Variants in DNAH9 observed in about 807,000 individuals in gnomAD.
DNAH9 encodes DNAH9 variant protein.
A neutral mutation model predicts 471.6 loss-of-function variants in DNAH9; 345 were observed. That is an observed-to-expected ratio of 0.73 (90% CI 0.67 to 0.80). The LOEUF (loss-of-function observed/expected upper bound fraction) is 0.80, where lower values mean the gene tolerates loss of function less well. DNAH9 is among the 30% of genes least tolerant of loss of function. DNAH9 has a pLI of 0.00. For missense variants in DNAH9, 5,407 were observed against 5,609.2 expected, an observed-to-expected ratio of 0.96 and a Z score of 1.15; for synonymous variants, 2,093 against 2,123.6, an observed-to-expected ratio of 0.99 and a Z score of 0.40.
At chr17:11,735,896 T>C (rs1281925336) in intron 28 of DNAH9, among the ~76,000 whole-genome samples, 1 of 152,224 alleles carries the variant, frequency 6.6e-6, no homozygotes, top group Admixed American at 6.5e-5. Flanking sequence ...CAAGAGCCTT[T>C]GGGGGAAGTA....
chr17:11,643,045 T>C (rs1254499544), intron 10 of DNAH9, among the ~76,000 whole-genome samples: 1 of 152,234 alleles, frequency 6.6e-6, no homozygotes, highest in Non-Finnish European at 1.5e-5. Flanking sequence ...AGCTGCCTCA[T>C]TTTGCCAGCA....
intron 54 of DNAH9, among the ~76,000 whole-genome samples, chr17:11,880,872 C>T (rs1972692825): frequency 6.6e-6 from 1 of 152,264 alleles, no homozygotes; most frequent in Non-Finnish European, 1.5e-5. Context: ...GTATAAAGCA[C>T]GTTTGTGGAA....
intron 49 of DNAH9, among the ~76,000 whole-genome samples, chr17:11,851,058 G>T (rs1298838121): frequency 1.3e-5 from 2 of 151,922 alleles, no homozygotes; most frequent in East Asian, 3.9e-4. Context: ...GGTGGGTAGA[G>T]TCTTACAGGG....
chr17:11,617,572 G>A lies in DNAH9; in HGVS notation c.1066G>A (p.Gly356Arg). The A allele has an allele frequency of 1.9e-6, 3 of 1,614,122 alleles. No homozygotes were observed. The highest frequency in any genetic ancestry group is 2.5e-6 in the Non-Finnish European group (3 of 1,180,036). ...WATCKSYRSPGRLTVLLQEIC... is the reference protein window; with the variant it reads ...WATCKSYRSPRRLTVLLQEIC... Reference sequence around the variant, plus strand: ...CACATGCAAGTCCTACCGCTCCCCGGGAAGGCTGACTGTGCTGCTCCAGGA... The same window carrying A: ...CACATGCAAGTCCTACCGCTCCCCGAGAAGGCTGACTGTGCTGCTCCAGGA... Residue 356 changes from glycine to arginine, a missense_variant, in exon 5 of 69, where the codon GGA (glycine) becomes AGA (arginine). Transcript: ENST00000262442.
rs541326115 is a variant in DNAH9 at position 11,686,699 on chromosome 17, T to G, written c.3744-2867T>G. Among the ~76,000 whole-genome samples the G allele has an allele frequency of 1.5e-4, 23 of 152,304 alleles. No homozygotes were observed. The East Asian group carries it at 4.2e-3, about 28-fold the overall frequency. On this transcript the variant is annotated intron_variant, in intron 19 of 68. Coordinates refer to ENST00000262442, the MANE Select transcript of DNAH9 (RefSeq NM_001372.4). ...AAGTTTGGAATAAGTTTGATAAACA[T>G]TCACCTCTTATAAATACTTGAGGAA...
intron 52 of DNAH9, among the ~76,000 whole-genome samples, chr17:11,874,203 C>T (rs1972384044): frequency 6.8e-6 from 1 of 147,070 alleles, no homozygotes; most frequent in South Asian, 2.2e-4. Flanking sequence ...TGAGATGACG[C>T]CATTGCACTC....
chr17:11,783,755 G>A lies in DNAH9; in HGVS notation c.7821+7G>A. 1.2e-6 allele frequency: 2 copies of A among 1,612,114 alleles called. No individual in the cohort carries two copies. The highest frequency in any genetic ancestry group is 8.5e-7 in the Non-Finnish European group (1 of 1,178,202). ...CATCAACCCCCGGCTTCAGGTACAG[G>A]AGGAGCCATGGGACCTGGGTCCTAA... On this transcript the variant is annotated splice_region_variant and intron_variant, in intron 40 of 68. Transcript: ENST00000262442.
At chr17:11,899,783 A>T (rs566938287) in intron 59 of DNAH9, among the ~76,000 whole-genome samples, 1 of 152,316 alleles carries the variant, frequency 6.6e-6, no homozygotes, top group Non-Finnish European at 1.5e-5. Flanking sequence ...AAATAATTAC[A>T]GCAGCTGCAG....
rs1430603266 is a variant in DNAH9 at position 11,878,649 on chromosome 17, G to T, written c.10479-1429G>T. Among the ~76,000 whole-genome samples, 4 of 152,154 alleles carry T rather than the reference G, an allele frequency of 2.6e-5. No individual in the cohort carries two copies. The East Asian group carries it at 7.7e-4, about 29-fold the overall frequency. ...TGGCTCCCTGCAGCCTCGACCTCCG[G>T]GGTTCAAGCAGTCCTTCCACCTTAG... On this transcript the variant is annotated intron_variant, in intron 53 of 68. Coordinates refer to ENST00000262442, the MANE Select transcript of DNAH9 (RefSeq NM_001372.4).
chr17:11,962,024 G>A lies in DNAH9; in HGVS notation c.13001G>A (p.Trp4334Ter), dbSNP rs774948465. 2.2e-5 allele frequency: 35 copies of A among 1,614,076 alleles called. No homozygotes were observed. The highest frequency in any genetic ancestry group is 2.9e-5 in the Non-Finnish European group (34 of 1,180,040). ...LLNRIKELEA[W>*]TGDFTMPSTV... The stretch of plus-strand genomic sequence containing the variant: ...AACAGAATCAAGGAGCTAGAGGCTT[G>A]GACGGGTGACTTTACAATGCCCTCC... Residue 4334 changes from tryptophan (W) to a stop codon, truncating the protein, a stop_gained, in exon 68 of 69, where the codon TGG becomes TAG. Transcript: ENST00000262442. LOFTEE classifies it high-confidence loss of function. The surrounding 1 kb of genome is among the most constrained non-coding windows in gnomAD (Gnocchi z 4.1).
At position 11,662,977 on chromosome 17, in the gene DNAH9, G is replaced by A. The variant is rs919814596; in HGVS notation, c.2596-1856G>A. 2.6e-5 allele frequency among the ~76,000 whole-genome samples: 4 copies of A among 151,374 alleles called. No homozygotes were observed. In the South Asian group the frequency reaches 8.4e-4, roughly 32 times the overall value. On this transcript the variant is annotated intron_variant, in intron 14 of 68. Coordinates refer to ENST00000262442, the MANE Select transcript of DNAH9 (RefSeq NM_001372.4). Reference sequence around the variant, plus strand: ...TCACCGTTTTATCCAGGATGGTCTCGATCTCCTGACCTCGTGATCCGCCCG... The same window carrying A: ...TCACCGTTTTATCCAGGATGGTCTCAATCTCCTGACCTCGTGATCCGCCCG...
rs755559431 is a variant in DNAH9 at position 11,905,737 on chromosome 17, T to C, written c.11677T>C (p.Ser3893Pro). 3 of 1,614,086 alleles carry C rather than the reference T, an allele frequency of 1.9e-6. No individual in the cohort carries two copies. Among genetic ancestry groups the C allele is most frequent in the Admixed American group, 3.3e-5 (2 of 60,020 alleles). Residue 3893 changes from serine to proline, a missense_variant, in exon 61 of 69, where the codon TCG becomes CCG. Coordinates refer to ENST00000262442, the MANE Select transcript of DNAH9 (RefSeq NM_001372.4). ...ALDFATSFEE[S>P]GPATPMFFIL... is the part of the protein sequence containing the mutation. ...AGATTTTGCAACCTCATTTGAAGAATCGGGACCAGCCACTCCTATGTTTTT... is the reference window on the plus strand; with the variant it reads ...AGATTTTGCAACCTCATTTGAAGAACCGGGACCAGCCACTCCTATGTTTTT...
chr17:11,729,962 G>T (rs1275240585), intron 28 of DNAH9, among the ~76,000 whole-genome samples: 1 of 152,206 alleles, frequency 6.6e-6, no homozygotes, highest in Non-Finnish European at 1.5e-5. Flanking sequence ...AAGACACTCT[G>T]CTGGGTCCCT....
At position 11,757,582 on chromosome 17, in the gene DNAH9, C is replaced by T. The variant is rs1484259713; in HGVS notation, c.6885C>T (p.Asn2295=). 7.4e-6 allele frequency: 12 copies of T among 1,613,928 alleles called. No individual in the cohort carries two copies. The highest frequency in any genetic ancestry group is 1.0e-5 in the Non-Finnish European group (12 of 1,179,814). ...TCAACCCGGCAGACTTGGGATGGAACCCTCCAGTGAGCAGCTGGATTGAGA... is the reference window on the plus strand; with the variant it reads ...TCAACCCGGCAGACTTGGGATGGAATCCTCCAGTGAGCAGCTGGATTGAGA... ...LYINPADLGW[N]PPVSSWIEKR... Residue 2295 remains asparagine, a synonymous_variant, in exon 35 of 69, where the codon AAC becomes AAT. Transcript: ENST00000262442.
rs545515591 is a variant in DNAH9, at chr17:11,784,526, C to A, written c.8048C>A (p.Ala2683Asp). Residue 2683 changes from alanine (A) to aspartate (D), a missense_variant, in exon 41 of 69, where the codon GCC becomes GAC. By Grantham distance (126) the Ala-to-Asp change is moderately radical (BLOSUM62 -2). Around this residue, in one of 3 missense-constraint regions of DNAH9, gnomAD observed 4,636 missense variants for 4,900.3 expected, o/e 0.95. Transcript: ENST00000262442. ...FHYIFNLRDFANIFQGILFSS... is the reference protein window; with the variant it reads ...FHYIFNLRDFDNIFQGILFSS... Reference sequence around the variant, plus strand: ...TACATCTTCAACCTCAGAGATTTTGCCAACATTTTCCAGGTGAGTTCATCG... The same window carrying A: ...TACATCTTCAACCTCAGAGATTTTGACAACATTTTCCAGGTGAGTTCATCG... 6.2e-7 allele frequency: 1 copy of A among 1,614,162 alleles called. No individual in the cohort carries two copies. The highest frequency in any genetic ancestry group is 1.1e-5 in the South Asian group (1 of 91,078).
In DNAH9 at chr17:11,669,176, T is replaced by C. The variant is rs2073933781; in HGVS notation, c.2844T>C (p.Ile948=). The change falls in exon 16 of 69, where the codon ATT becomes ATC. Residue 948 remains isoleucine, a synonymous_variant. Coordinates refer to ENST00000262442, the MANE Select transcript of DNAH9 (RefSeq NM_001372.4). The part of the protein sequence containing the change: ...ESGVKGGFCD[I]VEGLITSIFR... ...GAGTGAAGGGGGGTTTCTGTGACAT[T>C]GTTGAGGGTCTCATCACCAGCATTT... The C allele has an allele frequency of 1.2e-6, 2 of 1,613,888 alleles. No individual in the cohort carries two copies. The highest frequency in any genetic ancestry group is 1.3e-5 in the African/African-American group (1 of 74,888).
At chr17:11,853,973 TC>T in intron 49 of DNAH9, 29 bp from the exon 50 acceptor site, 1 of 1,602,100 alleles carries the variant, frequency 6.2e-7, no homozygotes. Flanking sequence ...CCATTCATGT[TC>T]CCCTAACCAC....
At chr17:11,613,075 A>G (rs139872213) in intron 4 of DNAH9, among the ~76,000 whole-genome samples, 148 of 152,314 alleles carry the variant, frequency 9.7e-4, no homozygotes, top group African/African-American at 3.2e-3. Flanking sequence ...CAGAACTGGC[A>G]TAAGTTGTTA....
chr17:11,723,275 TC>T (rs2075093993), intron 27 of DNAH9: 1 of 152,254 alleles, frequency 6.6e-6, no homozygotes, highest in African/African-American at 2.4e-5. Context: ...TTCCCTGAGA[TC>T]CTGGTGGAAA....
Sources: allele counts gnomAD v4.1 joint callset (sites outside exome capture counted in the v4.1 genomes callset), GRCh38; gene constraint gnomAD v4.1.1; regional missense constraint gnomAD v4.1.1; non-coding constraint Gnocchi (gnomAD v3.1); transcripts MANE v1.5; gene names NCBI Gene and HGNC (gene_info 2026-07-23, HGNC 2026-07-21).